The following FREM2 variants were observed in gnomAD, a reference collection of about 807,000 sequenced individuals.
FREM2 encodes the protein FRAS1-related extracellular matrix protein 2.
A neutral mutation model predicts 219.9 loss-of-function variants in FREM2; 119 were observed. That is an observed-to-expected ratio of 0.54 (90% CI 0.47 to 0.63). The LOEUF (loss-of-function observed/expected upper bound fraction) is 0.63, where lower values mean the gene tolerates loss of function less well. Among genes scored for constraint, FREM2 ranks in the 30% least tolerant of loss-of-function variants. FREM2 has a pLI of 0.00. For synonymous variants in FREM2, 1,562 were observed against 1,522.8 expected (o/e 1.03, Z -0.60); for missense variants, 4,030 against 3,993.6 (o/e 1.01, Z -0.25).
At chr13:38,766,794 C>T (rs145149963) in intron 3 of FREM2, among the ~76,000 whole-genome samples, 12 of 152,306 alleles carry the variant, frequency 7.9e-5, no homozygotes, top group African/African-American at 2.9e-4. Flanking sequence ...TTATTAAAGG[C>T]AAGGTACTTC....
chr13:38,738,367 A>G (rs1872083569), intron 2 of FREM2, among the ~76,000 whole-genome samples: 2 of 152,006 alleles, frequency 1.3e-5, no homozygotes, highest in African/African-American at 2.4e-5. Flanking sequence ...GGAGTTCAAA[A>G]GCATCCTGGG....
chr13:38,728,149 C>G (rs184813799), intron 2 of FREM2, among the ~76,000 whole-genome samples: 1 of 152,058 alleles, frequency 6.6e-6, no homozygotes, highest in East Asian at 1.9e-4. Context: ...GTTCAGCACC[C>G]AACACCAATA....
At chr13:38,857,778 C>A (rs1877615017) in intron 12 of FREM2, 97 bp from the exon 13 acceptor site, 1 of 1,043,084 alleles carries the variant, frequency 9.6e-7, no homozygotes, top group Non-Finnish European at 1.5e-6. Flanking sequence ...ATAACGAGGC[C>A]ATGGGGTTGC....
intron 6 of FREM2, among the ~76,000 whole-genome samples, chr13:38,837,765 G>GTT (rs151057502): frequency 0.015 from 2,064 of 140,326 alleles, 84 homozygotes; most frequent in African/African-American, 0.05. Context: ...GCAACCCCTG[G>GTT]TTTTTTTTTG....
intron 2 of FREM2, among the ~76,000 whole-genome samples, chr13:38,717,412 CTTT>C (rs386378868): frequency 1.2e-4 from 11 of 90,158 alleles, no homozygotes; most frequent in African/African-American, 3.7e-4. Context: ...TACATAAGTA[CTTT>C]TTTTTTTTTT....
rs566877110 is a variant in FREM2 at position 38,863,982 on chromosome 13, G to A, written c.7652-293G>A. Among the ~76,000 whole-genome samples, 55 of 151,936 alleles carry A rather than the reference G, an allele frequency of 3.6e-4. 1 individual carries two copies. Among genetic ancestry groups the A allele is most frequent in the African/African-American group, 1.3e-3 (52 of 41,434 alleles). On this transcript the variant is annotated intron_variant, in intron 15 of 23. Coordinates refer to ENST00000280481, the MANE Select transcript of FREM2 (RefSeq NM_207361.6). Reference sequence around the variant, plus strand: ...CAAGTAGCTGGGATTACAGGCACCCGCCACCATGCCCAGCTATTGTAATTT... The same window carrying A: ...CAAGTAGCTGGGATTACAGGCACCCACCACCATGCCCAGCTATTGTAATTT...
chr13:38,805,381 C>G (rs1016460204), intron 6 of FREM2, among the ~76,000 whole-genome samples: 1 of 151,518 alleles, frequency 6.6e-6, no homozygotes, highest in African/African-American at 2.4e-5. Flanking sequence ...GTGGAAGCTC[C>G]AAAAAACTGA....
rs1878662192 is a variant in FREM2 at position 38,884,516 on chromosome 13, A to G, written c.*3729A>G. 1 of 152,202 alleles carries G rather than the reference A, an allele frequency of 6.6e-6. No individual in the cohort carries two copies. Among genetic ancestry groups the G allele is most frequent in the Middle Eastern group, 3.2e-3 (1 of 316 alleles). The allele number at this position is 152,202 out of a possible 1,614,324, so 9.4% of individuals were successfully genotyped here. On this transcript the variant is annotated 3_prime_UTR_variant, in exon 24 of 24. Transcript: ENST00000280481. The stretch of plus-strand genomic sequence containing the variant: ...TTTGGTCCTTTAATAAGTAAAGAAA[A>G]TAATATGTTTAAAAATGTAAATGTT...
chr13:38,853,861 A>G (rs867102513), intron 11 of FREM2, among the ~76,000 whole-genome samples: 5 of 152,186 alleles, frequency 3.3e-5, no homozygotes, highest in Non-Finnish European at 5.9e-5. Flanking sequence ...TATTGATAAC[A>G]TGACTTTTAA....
intron 2 of FREM2, among the ~76,000 whole-genome samples, chr13:38,736,016 G>A (rs918385176): frequency 2.0e-5 from 3 of 152,120 alleles, no homozygotes; most frequent in African/African-American, 7.2e-5. Context: ...CAGGAGGGAG[G>A]CCTTGTGCAG....
At chr13:38,714,930 CAA>C (rs11302570) in intron 2 of FREM2, among the ~76,000 whole-genome samples, 46 of 147,788 alleles carry the variant, frequency 3.1e-4, no homozygotes, top group East Asian at 4.0e-4. Context: ...ACTAAAAATA[CAA>C]AAAAAAAAAA....
chr13:38,747,481 A>C (rs968119722), intron 2 of FREM2, among the ~76,000 whole-genome samples: 1 of 138,070 alleles, frequency 7.2e-6, no homozygotes, highest in East Asian at 2.0e-4. Context: ...GTATATGTAT[A>C]ATATATATAC....
intron 6 of FREM2, among the ~76,000 whole-genome samples, chr13:38,799,833 C>A (rs1278068185): frequency 2.6e-5 from 4 of 151,718 alleles, no homozygotes; most frequent in Admixed American, 2.6e-4. Context: ...TATCTTTTTC[C>A]TCACTTTATT....
chr13:38,878,772 G>C, intron 22 of FREM2, 59 bp from the exon 23 acceptor site: 1 of 1,516,660 alleles, frequency 6.6e-7, no homozygotes, highest in Non-Finnish European at 9.2e-7. Flanking sequence ...GAAACATGCT[G>C]TCCTGGCAAA....
intron 4 of FREM2, among the ~76,000 whole-genome samples, chr13:38,780,384 C>T (rs777649989): frequency 1.1e-4 from 17 of 152,140 alleles, no homozygotes; most frequent in African/African-American, 2.9e-4. Context: ...CTTTATATTC[C>T]GGCATGCAGC....
chr13:38,807,903 G>A (rs114979276), intron 6 of FREM2, among the ~76,000 whole-genome samples: 1,741 of 152,042 alleles, frequency 0.011, 25 homozygotes, highest in African/African-American at 0.04. Flanking sequence ...CAGGCTTTCC[G>A]TTGAAGCTTT....
intron 4 of FREM2, among the ~76,000 whole-genome samples, chr13:38,773,223 A>G (rs1271472756): frequency 6.6e-6 from 1 of 152,122 alleles, no homozygotes. Context: ...ACCTGGTCCA[A>G]TACTCAGTGC....
At chr13:38,788,427 C>G (rs1393503914) in intron 6 of FREM2, among the ~76,000 whole-genome samples, 1 of 152,036 alleles carries the variant, frequency 6.6e-6, no homozygotes, top group East Asian at 1.9e-4. Flanking sequence ...CCACAGAATC[C>G]TTTTGGTTGA....
intron 2 of FREM2, among the ~76,000 whole-genome samples, chr13:38,717,580 C>A (rs1418329584): frequency 2.0e-5 from 3 of 151,884 alleles, no homozygotes; most frequent in African/African-American, 7.3e-5. Context: ...ACATGCCCAG[C>A]TAATTTTTGT....
Sources: gnomAD v4.1 joint callset for allele counts (sites outside exome capture counted in the v4.1 genomes callset) on GRCh38, gnomAD v4.1.1 for gene constraint, MANE v1.5 for transcripts, NCBI Gene and HGNC (gene_info 2026-07-23, HGNC 2026-07-21) for gene names.